CCDC28A: variants seen among roughly 807,000 people sequenced by gnomAD.
CCDC28A encodes the protein coiled-coil domain containing 28A.
In CCDC28A, 24 loss-of-function variants were observed where a neutral mutation model predicts 22.1. The observed-to-expected ratio is 1.09, with a 90% CI of 0.79 to 1.53. The LOEUF is 1.53. CCDC28A is among the 40% of genes most tolerant of loss of function. The probability of loss-of-function intolerance (pLI) is 0.00; values close to 1 mark genes in which losing one functional copy is unlikely to be tolerated. For synonymous variants in CCDC28A, 83 were observed against 74.7 expected (o/e 1.11, Z -0.57); for missense variants, 170 against 210.7 (o/e 0.81, Z 1.20).
At chr6:138,789,900 C>T (rs531961436) in intron 5 of CCDC28A, among the ~76,000 whole-genome samples, 2 of 152,254 alleles carry the variant, frequency 1.3e-5, no homozygotes, top group East Asian at 3.9e-4. Flanking sequence ...GGGGTATGTG[C>T]ATTATCTTAT....
At chr6:138,783,268 CTTTT>C (rs36017020) in intron 3 of CCDC28A, among the ~76,000 whole-genome samples, 2 of 113,618 alleles carry the variant, frequency 1.8e-5, no homozygotes, top group Non-Finnish European at 1.8e-5. Flanking sequence ...CGTTATTGAA[CTTTT>C]TTTTTTTTTT....
chr6:138,779,498 T>C (rs931504473), intron 2 of CCDC28A, among the ~76,000 whole-genome samples: 10 of 152,206 alleles, frequency 6.6e-5, no homozygotes, highest in African/African-American at 2.4e-4. Flanking sequence ...AGGTGTAATA[T>C]GTTTTACTGA....
In CCDC28A at chr6:138,779,942, C is replaced by T. The variant is rs1473454045; in HGVS notation, c.279C>T (p.Leu93=). ...TTCAGGAGATGGAGAGAGGGCTGCT[C>T]AGTCTTTTGAATGATTTCCACTCTG... ...SDVQEMERGL[L]SLLNDFHSGK... The change falls in exon 3 of 6, where the codon CTC becomes CTT. Residue 93 remains leucine, a synonymous_variant. Transcript: ENST00000617445. The T allele has an allele frequency of 1.2e-6, 2 of 1,613,484 alleles. No homozygotes were observed. The highest frequency in any genetic ancestry group is 1.3e-5 in the African/African-American group (1 of 75,002).
At chr6:138,782,375 CT>C (rs1272494996) in intron 3 of CCDC28A, among the ~76,000 whole-genome samples, 2 of 152,084 alleles carry the variant, frequency 1.3e-5, no homozygotes, top group African/African-American at 4.8e-5. Flanking sequence ...AGGACTGTGT[CT>C]TTTCTCATCA....
intron 3 of CCDC28A, among the ~76,000 whole-genome samples, chr6:138,783,818 T>C (rs1329730888): frequency 6.6e-6 from 1 of 151,490 alleles, no homozygotes; most frequent in East Asian, 1.9e-4. Context: ...TTCTCACACC[T>C]TGGCCTCTCA....
At chr6:138,784,178 G>A (rs957434030) in intron 3 of CCDC28A, among the ~76,000 whole-genome samples, 1 of 151,874 alleles carries the variant, frequency 6.6e-6, no homozygotes, top group African/African-American at 2.4e-5. Context: ...TGAGCCACTT[G>A]GGCCTAGAAC....
At chr6:138,792,712 CT>C (rs1248650499) in intron 5 of CCDC28A, 36 bp from the exon 6 acceptor site, 1 of 1,330,100 alleles carries the variant, frequency 7.5e-7, no homozygotes, top group Non-Finnish European at 1.1e-6. Flanking sequence ...AGAAGTACCC[CT>C]TATAGAATGA....
At chr6:138,780,295 AG>A (rs1207019028) in intron 3 of CCDC28A, among the ~76,000 whole-genome samples, 1 of 152,206 alleles carries the variant, frequency 6.6e-6, no homozygotes, top group East Asian at 1.9e-4. Flanking sequence ...TTTTAGACTT[AG>A]TGTCTTCGTT....
chr6:138,784,316 T>A (rs1227194244), intron 3 of CCDC28A, among the ~76,000 whole-genome samples: 1 of 151,876 alleles, frequency 6.6e-6, no homozygotes, highest in Non-Finnish European at 1.5e-5. Flanking sequence ...GAAAATACAT[T>A]TTCTCTACTT....
At chr6:138,782,141 A>G (rs1294312905) in intron 3 of CCDC28A, among the ~76,000 whole-genome samples, 4 of 151,520 alleles carry the variant, frequency 2.6e-5, no homozygotes, top group Non-Finnish European at 5.9e-5. Flanking sequence ...TTTTCCCAGC[A>G]CCTTTCCTCC....
chr6:138,773,788 G>A lies in CCDC28A; in HGVS notation c.-157G>A. The A allele has an allele frequency of 5.6e-6, 9 of 1,613,830 alleles. No homozygotes were observed. Among genetic ancestry groups the A allele is most frequent in the Non-Finnish European group, 7.6e-6 (9 of 1,179,842 alleles). On this transcript the variant is annotated 5_prime_UTR_variant, in exon 1 of 6. Transcript: ENST00000617445. ...ACTTCCGTAAACAAACGGAGCTGCG[G>A]AGGAGCGGGTCCCGGGATGTGACCG...
chr6:138,790,147 T>TTTTG lies in CCDC28A; in HGVS notation c.500+1779_500+1782dup, dbSNP rs199543361. Among the ~76,000 whole-genome samples the TTTTG allele has an allele frequency of 9.9e-5, 15 of 152,050 alleles. No homozygotes were observed. In the East Asian group the frequency reaches 1.5e-3, roughly 16 times the overall value. On this transcript the variant is annotated intron_variant, in intron 5 of 5. Coordinates refer to ENST00000617445, the MANE Select transcript of CCDC28A (RefSeq NM_015439.3). ...AAGTATTTCCTATCCTTTTGTGTGG[T>TTTTG]TTTGTTTGTTTGTTTGTTTGTTTTG... is the stretch of plus-strand genomic sequence containing the variant.
chr6:138,775,364 G>A (rs999004927), intron 1 of CCDC28A, among the ~76,000 whole-genome samples: 2 of 152,182 alleles, frequency 1.3e-5, no homozygotes, highest in Non-Finnish European at 2.9e-5. Flanking sequence ...ACTTCACATT[G>A]TTAACTTTTT....
chr6:138,784,814 C>T (rs775038752), intron 3 of CCDC28A, among the ~76,000 whole-genome samples: 6 of 152,118 alleles, frequency 3.9e-5, no homozygotes, highest in Non-Finnish European at 7.4e-5. Flanking sequence ...CTGTCTCAGC[C>T]TCCCAAATAG....
At chr6:138,775,527 T>G (rs1463226023) in intron 1 of CCDC28A, among the ~76,000 whole-genome samples, 1 of 152,232 alleles carries the variant, frequency 6.6e-6, no homozygotes, top group Non-Finnish European at 1.5e-5. Context: ...AGCTAGAAAC[T>G]GAGTTTCTGT....
Position 138,776,130 on chromosome 6 carries a change from C to G in CCDC28A, c.10C>G (p.Arg4Gly), listed in dbSNP as rs765327016. Residue 4 changes from arginine (R) to glycine (G), a missense_variant, in exon 2 of 6, where the codon CGG becomes GGG. Coordinates refer to ENST00000617445, the MANE Select transcript of CCDC28A (RefSeq NM_015439.3). MEE[R>G]KVKRRSPKSF... ...TAAGGAACTTAAAACAATGGAAGAG[C>G]GGAAAGTGAAGAGGAGGAGTCCTAA... is the stretch of plus-strand genomic sequence containing the variant. 8.1e-6 allele frequency: 13 copies of G among 1,613,852 alleles called. No individual in the cohort carries two copies. The highest frequency in any genetic ancestry group is 1.1e-5 in the Non-Finnish European group (13 of 1,179,976).
intron 4 of CCDC28A, 46 bp from the exon 5 acceptor site, chr6:138,788,320 T>C: frequency 5.8e-6 from 4 of 695,294 alleles, no homozygotes; most frequent in Non-Finnish European, 9.1e-6. Flanking sequence ...ACTATTTATA[T>C]TGATCTTATA....
intron 3 of CCDC28A, 101 bp downstream of exon 3, chr6:138,780,086 A>G: frequency 1.2e-6 from 1 of 821,334 alleles, no homozygotes; most frequent in Non-Finnish European, 1.8e-6. Flanking sequence ...AGTTTCTTTT[A>G]AGAAAAAAAG....
chr6:138,782,305 G>A (rs1169914173), intron 3 of CCDC28A, among the ~76,000 whole-genome samples: 4 of 152,086 alleles, frequency 2.6e-5, no homozygotes, highest in Admixed American at 6.5e-5. Context: ...TTTCTGTCTC[G>A]ATGATTAAAA....
Sources: gnomAD v4.1 joint callset for allele counts (sites outside exome capture counted in the v4.1 genomes callset) on GRCh38, gnomAD v4.1.1 for gene constraint, MANE v1.5 for transcripts, NCBI Gene and HGNC (gene_info 2026-07-23, HGNC 2026-07-21) for gene names.